Variants in SDK1 observed in about 807,000 individuals in gnomAD.
SDK1 encodes sidekick cell adhesion molecule 1, also known as protein sidekick-1.
In SDK1, 157 loss-of-function variants were observed where a neutral mutation model predicts 245.5. The observed-to-expected ratio is 0.64, with a 90% CI of 0.56 to 0.73. The LOEUF (loss-of-function observed/expected upper bound fraction) is 0.73, where lower values mean the gene tolerates loss of function less well. Ranked by LOEUF, SDK1 falls within the 30% of genes least tolerant of loss-of-function variation. The pLI, the probability that SDK1 is intolerant of heterozygous loss-of-function variation, is 0.00. For synonymous variants in SDK1, 1,647 were observed against 1,278.5 expected (o/e 1.29, Z -6.15); for missense variants, 3,583 against 3,002.3 (o/e 1.19, Z -4.52).
At chr7:3,654,328 G>A (rs945339689) in intron 4 of SDK1, among the ~76,000 whole-genome samples, 2 of 152,182 alleles carry the variant, frequency 1.3e-5, no homozygotes, top group African/African-American at 4.8e-5. Flanking sequence ...GTAAGAAGAT[G>A]GAAAGCGCCA....
chr7:4,132,406 C>A lies in SDK1; in HGVS notation c.4211C>A (p.Pro1404His), dbSNP rs1178847081. The stretch of plus-strand genomic sequence containing the variant: ...ATAGTGTGGCAACCTCCGGAGGAGC[C>A]CAACGGCATCATCCTGGGTAAGGGA... Reference protein sequence around the residue: ...VRIVWQPPEEPNGIILGYQIA... With the variant: ...VRIVWQPPEEHNGIILGYQIA... The change falls in exon 28 of 45, where the codon CCC becomes CAC. Residue 1404 changes from proline (P) to histidine (H), a missense_variant. Pro to His is a moderately conservative substitution (Grantham distance 77). Coordinates refer to ENST00000404826, the MANE Select transcript of SDK1 (RefSeq NM_152744.4). 6.2e-7 allele frequency: 1 copy of A among 1,611,250 alleles called. No individual in the cohort carries two copies. Among genetic ancestry groups the A allele is most frequent in the African/African-American group, 1.3e-5 (1 of 74,890 alleles).
intron 1 of SDK1, among the ~76,000 whole-genome samples, chr7:3,463,735 TCTCA>T (rs1368661297): frequency 6.6e-6 from 1 of 152,222 alleles, no homozygotes; most frequent in African/African-American, 2.4e-5. Flanking sequence ...TCTCTGCTGG[TCTCA>T]CTCCTTGAAT....
At chr7:3,624,934 A>T (rs1295032235) in intron 2 of SDK1, among the ~76,000 whole-genome samples, 1 of 152,014 alleles carries the variant, frequency 6.6e-6, no homozygotes, top group East Asian at 1.9e-4. Context: ...AATCCCAGCT[A>T]CTCGGGAGGC....
At chr7:3,884,198 A>C (rs985384578) in intron 5 of SDK1, among the ~76,000 whole-genome samples, 1 of 151,426 alleles carries the variant, frequency 6.6e-6, no homozygotes, top group Non-Finnish European at 1.5e-5. Flanking sequence ...CTCCCACCTC[A>C]GCCTCCGAAA....
At chr7:3,911,825 T>C (rs1035245232) in intron 5 of SDK1, among the ~76,000 whole-genome samples, 6 of 152,120 alleles carry the variant, frequency 3.9e-5, no homozygotes, top group African/African-American at 1.4e-4. Context: ...GGGGAAATTA[T>C]AAATTTCCCT....
chr7:3,415,756 G>T (rs530483617), intron 1 of SDK1, among the ~76,000 whole-genome samples: 1 of 150,896 alleles, frequency 6.6e-6, no homozygotes, highest in African/African-American at 2.4e-5. Context: ...AATCATTTCT[G>T]TTACATGACT....
intron 30 of SDK1, among the ~76,000 whole-genome samples, chr7:4,156,718 C>T (rs778269835): frequency 1.3e-5 from 2 of 152,170 alleles, no homozygotes; most frequent in Admixed American, 1.3e-4. Flanking sequence ...TGACCCAGGC[C>T]GAATGCATAA....
chr7:4,221,747 G>A (rs1456246973), intron 40 of SDK1, among the ~76,000 whole-genome samples: 1 of 152,142 alleles, frequency 6.6e-6, no homozygotes, highest in Non-Finnish European at 1.5e-5. Flanking sequence ...GATGGAAAAC[G>A]TCAGGCTTGT....
At position 4,020,465 on chromosome 7, in the gene SDK1, G is replaced by A. The variant is rs188845381; in HGVS notation, c.2602+3113G>A. On this transcript the variant is annotated intron_variant, in intron 17 of 44. Coordinates refer to ENST00000404826, the MANE Select transcript of SDK1 (RefSeq NM_152744.4). The stretch of plus-strand genomic sequence containing the variant: ...TCCCCTCTGTGACAGTACATTGCTA[G>A]GAGATGACATCAGACCACCAGTCTA... Among the ~76,000 whole-genome samples, 182 of 152,326 alleles carry A rather than the reference G, an allele frequency of 1.2e-3. 1 individual carries two copies. Among genetic ancestry groups the A allele is most frequent in the African/African-American group, 4.3e-3 (177 of 41,580 alleles).
At chr7:4,125,075 G>GGATGGATGGAT (rs1784296595) in intron 25 of SDK1, among the ~76,000 whole-genome samples, 3 of 150,826 alleles carry the variant, frequency 2.0e-5, no homozygotes, top group Non-Finnish European at 4.4e-5. Flanking sequence ...GTGGATGGAT[G>GGATGGATGGAT]GATGGATGGA....
Position 3,411,736 on chromosome 7 carries a change from C to G in SDK1, c.298+109852C>G, listed in dbSNP as rs148087545. Among the ~76,000 whole-genome samples the G allele has an allele frequency of 4.1e-3, 620 of 152,106 alleles. 17 individuals are homozygous for G. Among genetic ancestry groups the G allele is most frequent in the Admixed American group, 0.037 (565 of 15,278 alleles). On this transcript the variant is annotated intron_variant, in intron 1 of 44. Coordinates refer to ENST00000404826, the MANE Select transcript of SDK1 (RefSeq NM_152744.4). ...ATTTTTTTTTCTGCATCCTTTGTGT[C>G]TAGTCTCTCCACAATTGAAAAGCTG... is the stretch of plus-strand genomic sequence containing the variant.
intron 25 of SDK1, among the ~76,000 whole-genome samples, chr7:4,116,530 C>G (rs1783721864): frequency 6.6e-6 from 1 of 152,226 alleles, no homozygotes; most frequent in Non-Finnish European, 1.5e-5. Flanking sequence ...GGTGACAGGT[C>G]TGAACCTGCC....
chr7:3,374,992 C>G (rs10258056), intron 1 of SDK1, among the ~76,000 whole-genome samples: 1 of 151,892 alleles, frequency 6.6e-6, no homozygotes. Context: ...GTATGTGCCA[C>G]ATAGTAGACA....
At chr7:3,730,301 CTGT>C (rs974484712) in intron 4 of SDK1, among the ~76,000 whole-genome samples, 18 of 152,094 alleles carry the variant, frequency 1.2e-4, no homozygotes, top group African/African-American at 4.1e-4. Context: ...GTTTTCATGC[CTGT>C]TGTTAAAGGA....
At chr7:4,072,796 G>T (rs1351899489) in intron 20 of SDK1, among the ~76,000 whole-genome samples, 10 of 152,206 alleles carry the variant, frequency 6.6e-5, no homozygotes, top group Non-Finnish European at 1.0e-4. Flanking sequence ...CAGAGGCGCT[G>T]TTGGAAACGT....
intron 5 of SDK1, among the ~76,000 whole-genome samples, chr7:3,937,510 C>A (rs1780201999): frequency 6.6e-6 from 1 of 152,192 alleles, no homozygotes; most frequent in Non-Finnish European, 1.5e-5. Flanking sequence ...CTTTTGTGGA[C>A]ATTAAAAACA....
chr7:3,951,024 G>C lies in SDK1; in HGVS notation c.949G>C (p.Ala317Pro). 6.2e-7 allele frequency: 1 copy of C among 1,612,078 alleles called. No homozygotes were observed. Among genetic ancestry groups the C allele is most frequent in the Non-Finnish European group, 8.5e-7 (1 of 1,178,156 alleles). The change falls in exon 6 of 45, where the codon GCC becomes CCC. Residue 317 changes from alanine (A) to proline (P), a missense_variant. By Grantham distance (27) the Ala-to-Pro change is conservative (BLOSUM62 -1). Transcript: ENST00000404826. ...CAGTGAGACCACCTTGGAATGTATA[G>C]CCAGTGCCAGGTACGAGGCGCGTCT... ...GSSETTLECI[A>P]SARPVEDLSV...
chr7:3,670,167 T>G (rs1287361516), intron 4 of SDK1, among the ~76,000 whole-genome samples: 1 of 152,236 alleles, frequency 6.6e-6, no homozygotes, highest in African/African-American at 2.4e-5. Flanking sequence ...TTCCCCATGC[T>G]GTGGTCAGAA....
intron 19 of SDK1, among the ~76,000 whole-genome samples, chr7:4,066,792 G>A (rs1250392527): frequency 6.6e-6 from 1 of 152,212 alleles, no homozygotes; most frequent in Non-Finnish European, 1.5e-5. Flanking sequence ...GACTTGCTGT[G>A]GGCCCTGCTG....
Sources: gnomAD v4.1 joint callset for allele counts (sites outside exome capture counted in the v4.1 genomes callset) on GRCh38, gnomAD v4.1.1 for gene constraint, MANE v1.5 for transcripts, NCBI Gene and HGNC (gene_info 2026-07-23, HGNC 2026-07-21) for gene names.